ATG13: variants seen among roughly 807,000 people sequenced by gnomAD.
ATG13 encodes the protein autophagy-related protein 13.
In ATG13, 23 loss-of-function variants were observed where a neutral mutation model predicts 65.5. The ratio of observed to expected loss-of-function variants is 0.35; its 90% CI spans 0.25 to 0.50. The LOEUF (loss-of-function observed/expected upper bound fraction) is 0.50. Among genes scored for constraint, ATG13 ranks in the 20% least tolerant of loss-of-function variants. The pLI is 0.98. For missense variants in ATG13, 566 were observed against 677.0 expected (o/e 0.84, Z 1.82); for synonymous variants, 252 against 245.2 (o/e 1.03, Z -0.26).
intron 5 of ATG13, among the ~76,000 whole-genome samples, chr11:46,648,097 ACCCCAC>A (rs2058090783): frequency 6.7e-6 from 1 of 149,604 alleles, no homozygotes; most frequent in African/African-American, 2.5e-5. Context: ...AAATTACTTA[ACCCCAC>A]CCCCCCCAGC....
intron 11 of ATG13, among the ~76,000 whole-genome samples, chr11:46,663,576 A>G (rs1324914769): frequency 6.6e-6 from 1 of 152,188 alleles, no homozygotes; most frequent in Non-Finnish European, 1.5e-5. Context: ...TCAGTTGAAC[A>G]TTACAAGCCC....
chr11:46,622,143 G>A (rs1184228205), intron 1 of ATG13, among the ~76,000 whole-genome samples: 1 of 126,438 alleles, frequency 7.9e-6, no homozygotes, highest in South Asian at 2.6e-4. Flanking sequence ...TTTAGAGATG[G>A]TATTTGCCCT....
intron 7 of ATG13, among the ~76,000 whole-genome samples, chr11:46,650,916 C>T (rs1402582026): frequency 6.6e-6 from 1 of 152,104 alleles, no homozygotes; most frequent in African/African-American, 2.4e-5. Flanking sequence ...GAAGTCAAGA[C>T]TTTGAAAAAC....
chr11:46,643,717 A>G (rs564083895), intron 2 of ATG13, among the ~76,000 whole-genome samples: 5 of 151,454 alleles, frequency 3.3e-5, no homozygotes, highest in Non-Finnish European at 5.9e-5. Flanking sequence ...TGGCCTCCCA[A>G]TGTGTTGGGA....
chr11:46,634,906 T>C (rs1190966363), intron 2 of ATG13, among the ~76,000 whole-genome samples: 2 of 151,870 alleles, frequency 1.3e-5, no homozygotes, highest in Middle Eastern at 3.4e-3. Flanking sequence ...TTTCACCATA[T>C]TGGCCAGGCT....
At chr11:46,657,308 G>A (rs905434062) in intron 9 of ATG13, 117 bp downstream of exon 9, 5 of 1,054,270 alleles carry the variant, frequency 4.7e-6, no homozygotes, top group Admixed American at 4.1e-5. Flanking sequence ...ACCTTCAGAA[G>A]AATAAAGAGA....
chr11:46,637,688 C>T (rs935910704), intron 2 of ATG13, among the ~76,000 whole-genome samples: 1 of 152,138 alleles, frequency 6.6e-6, no homozygotes, highest in Non-Finnish European at 1.5e-5. Flanking sequence ...TGAGAACAAG[C>T]GCAGGCTATT....
chr11:46,649,702 A>T (rs532084887), intron 6 of ATG13, among the ~76,000 whole-genome samples: 3 of 152,348 alleles, frequency 2.0e-5, no homozygotes, highest in East Asian at 3.9e-4. Flanking sequence ...TTGAGGAAAC[A>T]TCAACACATC....
intron 1 of ATG13, among the ~76,000 whole-genome samples, chr11:46,624,121 C>T (rs190118446): frequency 2.3e-4 from 35 of 152,074 alleles, no homozygotes; most frequent in Non-Finnish European, 4.1e-4. Flanking sequence ...TCTCCTGCCT[C>T]AGCCTCCTGA....
intron 1 of ATG13, among the ~76,000 whole-genome samples, chr11:46,629,697 G>A (rs2051004970): frequency 6.6e-6 from 1 of 152,038 alleles, no homozygotes; most frequent in South Asian, 2.1e-4. Context: ...ATGCCTGGCC[G>A]ACCCTGCTTA....
intron 1 of ATG13, 50 bp downstream of exon 1, chr11:46,617,940 G>C (rs935153467): frequency 2.5e-6 from 1 of 399,136 alleles, no homozygotes; most frequent in Non-Finnish European, 4.4e-6. Flanking sequence ...GCCCCCGGGT[G>C]GGAGGCTGTG....
rs200225497 is a variant in ATG13, at chr11:46,642,304, GTT to G, written c.-13-1956_-13-1955del. Among the ~76,000 whole-genome samples the G allele has an allele frequency of 2.0e-3, 214 of 107,904 alleles. 2 individuals carry two copies. The highest frequency in any genetic ancestry group is 5.2e-3 in the African/African-American group (142 of 27,158). 70.8% of individuals were successfully genotyped at this position (107,904 alleles called of 152,430 possible). ...CTTCCTTGTTTTTTTATTTTTGTGG[GTT>G]TTTTTTTTTTTTTTTTTTGGATGGA... On this transcript the variant is annotated intron_variant, in intron 2 of 18. Transcript: ENST00000683050.
At chr11:46,637,950 A>G (rs1435171477) in intron 2 of ATG13, among the ~76,000 whole-genome samples, 24 of 152,132 alleles carry the variant, frequency 1.6e-4, no homozygotes, top group Admixed American at 1.6e-3. Flanking sequence ...AATGTAGGGT[A>G]TTAAGTCCTA....
chr11:46,657,378 G>A, intron 9 of ATG13, 146 bp from the exon 10 acceptor site: 1 of 955,738 alleles, frequency 1.0e-6, no homozygotes, highest in Non-Finnish European at 1.6e-6. Flanking sequence ...CCAGAACGTA[G>A]GATTGGTGGT....
At chr11:46,665,797 CTTTTTTTTTTT>C (rs1159523560) in intron 14 of ATG13, among the ~76,000 whole-genome samples, 4 of 87,776 alleles carry the variant, frequency 4.6e-5, no homozygotes, top group African/African-American at 9.9e-5. Context: ...TTTATTTTTC[CTTTTTTTTTTT>C]TTTTTTTTTT....
intron 2 of ATG13, among the ~76,000 whole-genome samples, chr11:46,630,742 T>G (rs930350846): frequency 6.6e-6 from 1 of 151,988 alleles, no homozygotes; most frequent in South Asian, 2.1e-4. Flanking sequence ...GGCTACTTAC[T>G]TTTTTTGCAG....
At chr11:46,670,262 C>T (rs1387620797) in intron 18 of ATG13, among the ~76,000 whole-genome samples, 1 of 152,018 alleles carries the variant, frequency 6.6e-6, no homozygotes, top group Non-Finnish European at 1.5e-5. Flanking sequence ...GCAGGCAGAT[C>T]ACAAGGTCAG....
At position 46,659,478 on chromosome 11, in the gene ATG13, C is replaced by T. The variant is rs778022791; in HGVS notation, c.782C>T (p.Pro261Leu). 6.2e-7 allele frequency: 1 copy of T among 1,612,998 alleles called. No homozygotes were observed. The highest frequency in any genetic ancestry group is 8.5e-7 in the Non-Finnish European group (1 of 1,178,956). ...VCTTSFSTSP[P>L]SQCVFTVTKA... Reference sequence around the variant, plus strand: ...ACCACCTCTTTTTCCACCTCCCCACCATCCCAGGTAGGGGGAAGCAGGTTC... The same window carrying T: ...ACCACCTCTTTTTCCACCTCCCCACTATCCCAGGTAGGGGGAAGCAGGTTC... Residue 261 changes from proline to leucine, a missense_variant, in exon 11 of 19, where the codon CCA becomes CTA. Physicochemically the swap from Pro to Leu is moderately conservative, Grantham distance 98 (BLOSUM62 -3). This residue lies in a region of ATG13 where 387 missense variants were observed against 409.8 expected (regional missense o/e 0.94). Coordinates refer to ENST00000683050, the MANE Select transcript of ATG13 (RefSeq NM_001346311.2).
rs559120010 is a variant in ATG13 at position 46,673,962 on chromosome 11, G to A, written c.*1630G>A. On this transcript the variant is annotated 3_prime_UTR_variant, in exon 19 of 19. Coordinates refer to ENST00000683050, the MANE Select transcript of ATG13 (RefSeq NM_001346311.2). Reference sequence around the variant, plus strand: ...AGGCTCTGGCGGGGACCAGAGCTCTGCGTGCTGCTGCTGCCACCAAGAAGT... The same window carrying A: ...AGGCTCTGGCGGGGACCAGAGCTCTACGTGCTGCTGCTGCCACCAAGAAGT... 1 of 152,210 alleles carries A rather than the reference G, an allele frequency of 6.6e-6. No homozygotes were observed. Among genetic ancestry groups the A allele is most frequent in the Admixed American group, 6.5e-5 (1 of 15,288 alleles). The allele number at this position is 152,210 out of a possible 1,614,324, so 9.4% of individuals were successfully genotyped here.
Sources: allele counts gnomAD v4.1 joint callset (sites outside exome capture counted in the v4.1 genomes callset), GRCh38; gene constraint gnomAD v4.1.1; regional missense constraint gnomAD v4.1.1; transcripts MANE v1.5; gene names NCBI Gene and HGNC (gene_info 2026-07-23, HGNC 2026-07-21).